EYS: variants seen among roughly 807,000 people sequenced by gnomAD.
EYS encodes the protein EGF-like photoreceptor maintenance factor.
Under a neutral mutation model 282.1 loss-of-function variants are expected in EYS, and 250 were observed. That is an observed-to-expected ratio of 0.89 (90% CI 0.80 to 0.98). The LOEUF (loss-of-function observed/expected upper bound fraction) is 0.98. Ranked by LOEUF, EYS falls within the 50% of genes least tolerant of loss-of-function variation. EYS has a pLI of 0.00. For synonymous variants in EYS, 1,355 were observed against 1,282.9 expected (o/e 1.06, Z -1.20); for missense variants, 4,016 against 3,709.0 (o/e 1.08, Z -2.15).
At chr6:64,532,897 G>A (rs1371648862) in intron 26 of EYS, among the ~76,000 whole-genome samples, 2 of 151,976 alleles carry the variant, frequency 1.3e-5, no homozygotes, top group African/African-American at 4.8e-5. Flanking sequence ...CCCCTATTTT[G>A]GATTCAGTTG....
intron 36 of EYS, among the ~76,000 whole-genome samples, chr6:63,834,372 C>A (rs1016804827): frequency 3.3e-5 from 5 of 151,538 alleles, no homozygotes; most frequent in Non-Finnish European, 7.4e-5. Flanking sequence ...AAGAAAAAAC[C>A]CCATCAAAAA....
At chr6:64,915,023 TA>T (rs1258421899) in intron 15 of EYS, among the ~76,000 whole-genome samples, 3 of 152,292 alleles carry the variant, frequency 2.0e-5, no homozygotes, top group East Asian at 3.9e-4. Context: ...CTTTCCATCC[TA>T]GTTTGCCTGG....
intron 2 of EYS, among the ~76,000 whole-genome samples, chr6:65,635,574 A>G (rs548375807): frequency 4.0e-4 from 61 of 152,246 alleles, no homozygotes; most frequent in African/African-American, 1.4e-3. Context: ...TTGGCCTCCC[A>G]AAGTACAAGG....
At chr6:65,556,237 G>A (rs748361395) in intron 2 of EYS, among the ~76,000 whole-genome samples, 3 of 152,208 alleles carry the variant, frequency 2.0e-5, no homozygotes, top group Non-Finnish European at 4.4e-5. Context: ...TCAGAAGGCT[G>A]AGGCAGGAGG....
At chr6:65,399,655 G>A (rs1032193009) in intron 7 of EYS, among the ~76,000 whole-genome samples, 1 of 151,960 alleles carries the variant, frequency 6.6e-6, no homozygotes, top group African/African-American at 2.4e-5. Context: ...TTTAAAATAT[G>A]TGAGCAATCT....
chr6:64,508,785 A>G (rs965238296), intron 26 of EYS, among the ~76,000 whole-genome samples: 1 of 151,984 alleles, frequency 6.6e-6, no homozygotes, highest in African/African-American at 2.4e-5. Flanking sequence ...GCCAGTTGCT[A>G]CCTAAGCTCT....
chr6:64,744,158 C>T (rs2149963510), intron 22 of EYS, among the ~76,000 whole-genome samples: 1 of 152,206 alleles, frequency 6.6e-6, no homozygotes, highest in Non-Finnish European at 1.5e-5. Context: ...ATTCAATGAG[C>T]TTTAGAAACA....
At chr6:65,122,342 CTAA>C (rs1325903342) in intron 12 of EYS, among the ~76,000 whole-genome samples, 1 of 152,018 alleles carries the variant, frequency 6.6e-6, no homozygotes, top group Non-Finnish European at 1.5e-5. Flanking sequence ...TTGTTTTTTC[CTAA>C]TAATAATGTT....
intron 12 of EYS, among the ~76,000 whole-genome samples, chr6:65,116,203 C>T (rs1052604051): frequency 1.3e-5 from 2 of 152,130 alleles, no homozygotes; most frequent in East Asian, 3.9e-4. Context: ...GGAAACTAAG[C>T]TTAGTGGTCT....
intron 29 of EYS, among the ~76,000 whole-genome samples, chr6:64,372,859 G>GT (rs1382998703): frequency 6.6e-6 from 1 of 152,098 alleles, no homozygotes; most frequent in African/African-American, 2.4e-5. Flanking sequence ...CAATTCTGCT[G>GT]TTAATACTTG....
chr6:63,911,236 G>T (rs1764243532), intron 35 of EYS, among the ~76,000 whole-genome samples: 1 of 152,002 alleles, frequency 6.6e-6, no homozygotes, highest in Non-Finnish European at 1.5e-5. Flanking sequence ...ATAAAAATCT[G>T]AGGTCAACTT....
In EYS at chr6:64,388,806, T is replaced by C. The variant is rs1561965262; in HGVS notation, c.5962A>G (p.Ile1988Val). The C allele has an allele frequency of 2.6e-6, 4 of 1,542,374 alleles. No homozygotes were observed. The highest frequency in any genetic ancestry group is 2.0e-5 in the Admixed American group (1 of 49,912). The part of the protein sequence containing the change: ...ELDPCNAELT[I>V]LGRNTQICES... ...CATATTTGTGTATTCCTCCCTAAAA[T>C]AGTCAGCTCAGCGTTACATGGATCC... Residue 1988 changes from isoleucine (I) to valine (V), a missense_variant, in exon 29 of 43, where the codon ATT (isoleucine) becomes GTT (valine). Transcript: ENST00000503581.
intron 11 of EYS, chr6:65,331,350 C>T (rs34794632): frequency 0.26 from 185,613 of 723,444 alleles, 24,406 homozygotes; most frequent in Non-Finnish European, 0.26. Context: ...TATAGAGGGT[C>T]TTTTTAATGG....
intron 10 of EYS, among the ~76,000 whole-genome samples, chr6:65,341,973 A>T (rs550061836): frequency 2.1e-4 from 32 of 151,374 alleles, no homozygotes; most frequent in African/African-American, 7.7e-4. Flanking sequence ...CTTTATTTAC[A>T]TGATTTCTCT....
At chr6:63,776,598 A>C (rs1352406206) in intron 40 of EYS, among the ~76,000 whole-genome samples, 1 of 152,234 alleles carries the variant, frequency 6.6e-6, no homozygotes, top group South Asian at 2.1e-4. Context: ...GTAAGGTATT[A>C]CGTTTAATAT....
chr6:65,131,231 C>T lies in EYS; in HGVS notation c.2024-73504G>A, dbSNP rs1057079401. Among the ~76,000 whole-genome samples the T allele has an allele frequency of 2.0e-5, 3 of 151,530 alleles. No homozygotes were observed. In the Admixed American group the frequency reaches 2.0e-4, roughly 10 times the overall value. ...CTTGAGCTTAGATAAGTCAATAAAA[C>T]TATAAAGTAAGTAAGGGGGAAAGCC... is the stretch of plus-strand genomic sequence containing the variant. On this transcript the variant is annotated intron_variant, in intron 12 of 42. Coordinates refer to ENST00000503581, the MANE Select transcript of EYS (RefSeq NM_001142800.2).
At chr6:65,134,498 A>G (rs1375882045) in intron 12 of EYS, among the ~76,000 whole-genome samples, 1 of 152,136 alleles carries the variant, frequency 6.6e-6, no homozygotes, top group Non-Finnish European at 1.5e-5. Flanking sequence ...GCGCAGGAAC[A>G]GAAAACCAAA....
chr6:64,780,566 A>G (rs1290621956), intron 22 of EYS, among the ~76,000 whole-genome samples: 4 of 152,180 alleles, frequency 2.6e-5, no homozygotes, highest in African/African-American at 9.7e-5. Context: ...TCTGTTGGGT[A>G]CAATGTTCAT....
intron 31 of EYS, among the ~76,000 whole-genome samples, chr6:64,220,307 T>A (rs1766060206): frequency 6.6e-6 from 1 of 152,184 alleles, no homozygotes; most frequent in Non-Finnish European, 1.5e-5. Context: ...CAAATTATTT[T>A]CTCTGTGCTC....
Sources: allele counts gnomAD v4.1 joint callset (sites outside exome capture counted in the v4.1 genomes callset), GRCh38; gene constraint gnomAD v4.1.1; transcripts MANE v1.5; gene names NCBI Gene and HGNC (gene_info 2026-07-23, HGNC 2026-07-21).